MAPK10: variants seen among roughly 807,000 people sequenced by gnomAD.
MAPK10 encodes JNK3 alpha protein kinase.
Under a neutral mutation model 59.3 loss-of-function variants are expected in MAPK10, and 25 were observed. That is an observed-to-expected ratio of 0.42 (90% CI 0.31 to 0.59). MAPK10 has a LOEUF of 0.59. MAPK10 is among the 20% of genes least tolerant of loss of function. The pLI is 0.15. For synonymous variants in MAPK10, 190 were observed against 200.5 expected (o/e 0.95, Z 0.44); for missense variants, 351 against 568.9 (o/e 0.62, Z 3.90).
At chr4:86,404,350 C>T (rs756640347) in intron 1 of MAPK10, among the ~76,000 whole-genome samples, 1 of 152,102 alleles carries the variant, frequency 6.6e-6, no homozygotes, top group Non-Finnish European at 1.5e-5. Flanking sequence ...TACAATTAAC[C>T]GTTCCTGTGA....
At chr4:86,334,357 AC>A (rs2096223306) in intron 2 of MAPK10, among the ~76,000 whole-genome samples, 1 of 152,080 alleles carries the variant, frequency 6.6e-6, no homozygotes, top group African/African-American at 2.4e-5. Context: ...CTCCTGGACC[AC>A]CTTGTACCTT....
chr4:86,365,527 G>T (rs988225277), intron 1 of MAPK10, among the ~76,000 whole-genome samples: 17 of 139,532 alleles, frequency 1.2e-4, no homozygotes, highest in African/African-American at 4.3e-4. Context: ...TCCCCTGAAA[G>T]TTCCTTTTCC....
chr4:86,513,298 T>G (rs1756421262), intron 1 of MAPK10, among the ~76,000 whole-genome samples: 1 of 152,164 alleles, frequency 6.6e-6, no homozygotes, highest in African/African-American at 2.4e-5. Flanking sequence ...TCCTCCTGCC[T>G]TGGGATCCCA....
chr4:86,074,784 C>T (rs2048883686), intron 9 of MAPK10, among the ~76,000 whole-genome samples: 1 of 128,238 alleles, frequency 7.8e-6, no homozygotes, highest in Non-Finnish European at 1.7e-5. Flanking sequence ...GATGGGCTTC[C>T]CTTTGAGGGT....
Position 86,581,226 on chromosome 4 carries a change from T to A in MAPK10, c.-263+12684A>T, listed in dbSNP as rs370646862. On this transcript the variant is annotated intron_variant, in intron 1 of 4. Coordinates refer to the MAPK10 transcript ENST00000502302. ...TTGCACCATGTCTATTTGACTTTCTTATGGCATATGGACATACCCTTGTCT... is the reference window on the plus strand; with the variant it reads ...TTGCACCATGTCTATTTGACTTTCTAATGGCATATGGACATACCCTTGTCT... Among the ~76,000 whole-genome samples, 39 of 152,016 alleles carry A rather than the reference T, an allele frequency of 2.6e-4. No individual in the cohort carries two copies. In the East Asian group the frequency reaches 3.7e-3, roughly 14 times the overall value.
At chr4:86,584,904 C>T (rs778253211) in intron 1 of MAPK10, among the ~76,000 whole-genome samples, 1 of 152,072 alleles carries the variant, frequency 6.6e-6, no homozygotes, top group East Asian at 1.9e-4. Flanking sequence ...AGACTTTTAT[C>T]CAATAAAAGT....
chr4:86,290,941 T>C (rs2095205839), intron 2 of MAPK10, among the ~76,000 whole-genome samples: 1 of 152,194 alleles, frequency 6.6e-6, no homozygotes, highest in East Asian at 1.9e-4. Flanking sequence ...TAAACCATTG[T>C]TTTAGACTTT....
intron 2 of MAPK10, among the ~76,000 whole-genome samples, chr4:86,219,427 A>T (rs1411753789): frequency 6.6e-6 from 1 of 152,206 alleles, no homozygotes. Context: ...GATATTTGGG[A>T]TATTTTCCTA....
chr4:86,084,049 C>A lies in MAPK10; in HGVS notation c.802+14475G>T, dbSNP rs532331112. Reference sequence around the variant, plus strand: ...TCCTTGGTCCCTGAATAACCAGCAGCATACCCAGGTACTATGCTGAGGGCC... The same window carrying A: ...TCCTTGGTCCCTGAATAACCAGCAGAATACCCAGGTACTATGCTGAGGGCC... On this transcript the variant is annotated intron_variant, in intron 9 of 13. Coordinates refer to ENST00000641462, the MANE Select transcript of MAPK10 (RefSeq NM_138982.4). Among the ~76,000 whole-genome samples, 6 of 152,304 alleles carry A rather than the reference C, an allele frequency of 3.9e-5. No homozygotes were observed. In the South Asian group the frequency reaches 1.2e-3, roughly 32 times the overall value.
chr4:86,103,657 G>A (rs144891188), intron 5 of MAPK10, among the ~76,000 whole-genome samples: 13 of 152,062 alleles, frequency 8.5e-5, no homozygotes, highest in Non-Finnish European at 1.6e-4. Context: ...ACAAAGTTGT[G>A]TTCTACTTCA....
At chr4:86,119,874 A>G (rs958161877) in intron 4 of MAPK10, 2 of 152,294 alleles carry the variant, frequency 1.3e-5, no homozygotes, top group African/African-American at 4.8e-5. Flanking sequence ...ACCCCAATTC[A>G]GGACAGCTGG....
intron 11 of MAPK10, among the ~76,000 whole-genome samples, chr4:86,056,722 C>T (rs1333179929): frequency 6.7e-6 from 1 of 149,752 alleles, no homozygotes; most frequent in African/African-American, 2.5e-5. Context: ...GAACTATGCT[C>T]AAAGGCTTCA....
intron 1 of MAPK10, among the ~76,000 whole-genome samples, chr4:86,475,301 A>T (rs1049035635): frequency 6.6e-6 from 1 of 152,166 alleles, no homozygotes; most frequent in Non-Finnish European, 1.5e-5. Flanking sequence ...TCTTTGCTCC[A>T]TGAGAAAGAT....
intron 2 of MAPK10, among the ~76,000 whole-genome samples, chr4:86,276,629 G>A (rs1328835530): frequency 1.3e-5 from 2 of 152,014 alleles, no homozygotes; most frequent in African/African-American, 2.4e-5. Flanking sequence ...CCATCAACAC[G>A]TTAATCATTA....
intron 1 of MAPK10, among the ~76,000 whole-genome samples, chr4:86,445,968 GA>G (rs1369813905): frequency 3.9e-5 from 6 of 151,984 alleles, no homozygotes; most frequent in Non-Finnish European, 8.8e-5. Flanking sequence ...TAAAGGTAAA[GA>G]AAAAAATCTT....
chr4:86,164,793 T>C (rs1562531095), intron 3 of MAPK10, among the ~76,000 whole-genome samples: 1 of 152,168 alleles, frequency 6.6e-6, no homozygotes, highest in East Asian at 1.9e-4. Context: ...TGTTCATTAA[T>C]TGGCTCAAAA....
At chr4:86,272,849 T>C (rs1185921170) in intron 2 of MAPK10, among the ~76,000 whole-genome samples, 1 of 152,074 alleles carries the variant, frequency 6.6e-6, no homozygotes, top group Non-Finnish European at 1.5e-5. Flanking sequence ...GCATGCATGA[T>C]GAGCTAATTA....
chr4:86,210,508 T>C (rs1376688906), intron 2 of MAPK10, among the ~76,000 whole-genome samples: 9 of 152,040 alleles, frequency 5.9e-5, no homozygotes, highest in Non-Finnish European at 1.0e-4. Flanking sequence ...AAAGTATTTA[T>C]AATTGCTTTA....
chr4:86,306,395 A>G (rs1316457069), intron 2 of MAPK10, among the ~76,000 whole-genome samples: 2 of 152,230 alleles, frequency 1.3e-5, no homozygotes, highest in Non-Finnish European at 2.9e-5. Context: ...GTATTTTTGC[A>G]GTATTATGAA....
Sources: gnomAD v4.1 joint callset for allele counts (sites outside exome capture counted in the v4.1 genomes callset) on GRCh38, gnomAD v4.1.1 for gene constraint, MANE v1.5 for transcripts, NCBI Gene and HGNC (gene_info 2026-07-23, HGNC 2026-07-21) for gene names.